Variants in SUFU observed in about 807,000 individuals in gnomAD.
The protein encoded by SUFU is suppressor of fused homolog.
A neutral mutation model predicts 58.9 loss-of-function variants in SUFU; 7 were observed. The observed-to-expected ratio is 0.12, with a 90% CI of 0.07 to 0.22. The LOEUF (loss-of-function observed/expected upper bound fraction) is 0.22, where lower values mean the gene tolerates loss of function less well. Among genes scored for constraint, SUFU ranks in the 10% least tolerant of loss-of-function variants. The pLI, the probability that SUFU is intolerant of heterozygous loss-of-function variation, is 1.00. For missense variants in SUFU, 451 were observed against 641.3 expected (o/e 0.70, Z 3.20); for synonymous variants, 232 against 254.8 (o/e 0.91, Z 0.85).
intron 8 of SUFU, among the ~76,000 whole-genome samples, chr10:102,613,047 C>G (rs2063642715): frequency 6.6e-6 from 1 of 152,156 alleles, no homozygotes; most frequent in Non-Finnish European, 1.5e-5. Flanking sequence ...CTGCCTCCCT[C>G]AGAAGGAAGG....
intron 3 of SUFU, among the ~76,000 whole-genome samples, chr10:102,565,377 C>G (rs2063076526): frequency 6.6e-6 from 1 of 152,060 alleles, no homozygotes; most frequent in Non-Finnish European, 1.5e-5. Context: ...GCTCTGTGGC[C>G]TGTGGTAGAG....
chr10:102,542,781 T>C (rs1469157130), intron 2 of SUFU, among the ~76,000 whole-genome samples: 2 of 152,104 alleles, frequency 1.3e-5, no homozygotes, highest in African/African-American at 4.8e-5. Context: ...CGTGCCACCA[T>C]GCCCAGCTAA....
chr10:102,510,926 G>A (rs2062393374), intron 2 of SUFU, among the ~76,000 whole-genome samples: 1 of 151,936 alleles, frequency 6.6e-6, no homozygotes, highest in South Asian at 2.1e-4. Context: ...TTTGAGACAA[G>A]CCTGACCAAC....
At chr10:102,514,174 A>G (rs1021025347) in intron 2 of SUFU, among the ~76,000 whole-genome samples, 1 of 152,148 alleles carries the variant, frequency 6.6e-6, no homozygotes, top group Non-Finnish European at 1.5e-5. Flanking sequence ...GGCAAGAGCC[A>G]GTGCTCCTGG....
intron 8 of SUFU, among the ~76,000 whole-genome samples, chr10:102,611,623 A>G (rs527385116): frequency 5.2e-5 from 8 of 152,384 alleles, no homozygotes; most frequent in East Asian, 1.9e-4. Context: ...ATAGACTTTT[A>G]GAGGCAGCCA....
At chr10:102,551,676 GA>G (rs963311220) in intron 3 of SUFU, among the ~76,000 whole-genome samples, 2 of 142,448 alleles carry the variant, frequency 1.4e-5, no homozygotes, top group Non-Finnish European at 3.0e-5. Context: ...TTGTGAAACA[GA>G]ACAGCACTAA....
chr10:102,548,067 C>T (rs1023955220), intron 2 of SUFU, among the ~76,000 whole-genome samples: 2 of 152,132 alleles, frequency 1.3e-5, no homozygotes, highest in African/African-American at 4.8e-5. Context: ...AAGAGGATCG[C>T]TTGAGCCCCC....
rs1341395312 is a variant in SUFU at position 102,568,939 on chromosome 10, T to TACACACAC, written c.454+18834_454+18835insCACACACA. Reference sequence around the variant, plus strand: ...ATATATACACATATATATATATATATATATATATATATATATATATATATC... The same window carrying TACACACAC: ...ATATATACACATATATATATATATATACACACACATATATATATATATATATATATATC... On this transcript the variant is annotated intron_variant, in intron 3 of 11. Transcript: ENST00000369902. 6.2e-4 allele frequency among the ~76,000 whole-genome samples: 27 copies of TACACACAC among 43,752 alleles called. 1 individual carries two copies. The highest frequency in any genetic ancestry group is 2.1e-3 in the African/African-American group (25 of 12,038). 28.7% of individuals were successfully genotyped at this position (43,752 alleles called of 152,430 possible).
At position 102,537,129 on chromosome 10, in the gene SUFU, C is replaced by CT. The variant is rs74317451; in HGVS notation, c.318-12820dup. Among the ~76,000 whole-genome samples the CT allele has an allele frequency of 4.8e-3, 577 of 119,350 alleles. 4 individuals are homozygous for CT. The highest frequency in any genetic ancestry group is 0.013 in the South Asian group (49 of 3,640). 78.3% of individuals were successfully genotyped at this position (119,350 alleles called of 152,430 possible). Reference sequence around the variant, plus strand: ...CCCAGCCTACATAATTTAAATTTACCTTTTTTTTTTTTTTTTTTTTTGAGT... The same window carrying CT: ...CCCAGCCTACATAATTTAAATTTACCTTTTTTTTTTTTTTTTTTTTTTGAGT... On this transcript the variant is annotated intron_variant, in intron 2 of 11. Coordinates refer to ENST00000369902, the MANE Select transcript of SUFU (RefSeq NM_016169.4).
At chr10:102,541,875 A>ATT (rs58231037) in intron 2 of SUFU, among the ~76,000 whole-genome samples, 7,621 of 86,374 alleles carry the variant, frequency 0.088, 667 homozygotes, top group East Asian at 0.36. Flanking sequence ...TGCCCGGCTA[A>ATT]TTTTTTTTTT....
intron 3 of SUFU, among the ~76,000 whole-genome samples, chr10:102,580,447 T>G (rs1055363447): frequency 6.6e-6 from 1 of 152,138 alleles, no homozygotes; most frequent in African/African-American, 2.4e-5. Flanking sequence ...TAGTTCTTAG[T>G]GTGGGTCTTG....
chr10:102,567,900 G>A (rs923671373), intron 3 of SUFU, among the ~76,000 whole-genome samples: 1 of 152,108 alleles, frequency 6.6e-6, no homozygotes, highest in African/African-American at 2.4e-5. Flanking sequence ...GTTTGGCTTT[G>A]AAGATTTAGG....
intron 2 of SUFU, among the ~76,000 whole-genome samples, chr10:102,514,351 A>C (rs2062439112): frequency 6.6e-6 from 1 of 152,140 alleles, no homozygotes; most frequent in South Asian, 2.1e-4. Context: ...CACCCTGGTA[A>C]CCCTAAAAGG....
chr10:102,508,033 T>C (rs2062351728), intron 1 of SUFU, among the ~76,000 whole-genome samples: 1 of 150,934 alleles, frequency 6.6e-6, no homozygotes, highest in African/African-American at 2.4e-5. Context: ...TGGCGCAATC[T>C]TGGCTCCCTG....
intron 10 of SUFU, among the ~76,000 whole-genome samples, chr10:102,624,097 G>T (rs1442927286): frequency 6.6e-6 from 1 of 152,166 alleles, no homozygotes; most frequent in Non-Finnish European, 1.5e-5. Flanking sequence ...CATGGTGGAG[G>T]TACTGCTTCT....
chr10:102,607,004 T>A (rs555588068), intron 8 of SUFU, among the ~76,000 whole-genome samples: 1 of 151,886 alleles, frequency 6.6e-6, no homozygotes, highest in East Asian at 1.9e-4. Context: ...AATTGATAAA[T>A]ACCTGATGTA....
chr10:102,568,901 T>A (rs868031870), intron 3 of SUFU, among the ~76,000 whole-genome samples: 789 of 9,432 alleles, frequency 0.084, 10 homozygotes, highest in African/African-American at 0.13. Context: ...AAAAAAAATA[T>A]ATATATATAT....
intron 8 of SUFU, among the ~76,000 whole-genome samples, chr10:102,606,574 C>T (rs1009807709): frequency 6.6e-6 from 1 of 152,102 alleles, no homozygotes; most frequent in African/African-American, 2.4e-5. Flanking sequence ...TAGATCTGAG[C>T]CTCTTCACTG....
chr10:102,547,593 G>A (rs192424573), intron 2 of SUFU, among the ~76,000 whole-genome samples: 55 of 152,288 alleles, frequency 3.6e-4, no homozygotes, highest in African/African-American at 1.3e-3. Flanking sequence ...AGGCCAAGGC[G>A]GGAGGATTAC....
Sources: allele counts gnomAD v4.1 joint callset (sites outside exome capture counted in the v4.1 genomes callset), GRCh38; gene constraint gnomAD v4.1.1; transcripts MANE v1.5; gene names NCBI Gene and HGNC (gene_info 2026-07-23, HGNC 2026-07-21).